IL7R: variants seen among roughly 807,000 people sequenced by gnomAD.
IL7R encodes the protein interleukin-7 receptor subunit alpha.
IL7R carries 38 observed loss-of-function variants against 47.0 expected under a neutral mutation model. That is an observed-to-expected ratio of 0.81 (90% CI 0.62 to 1.06). IL7R has a LOEUF of 1.06. IL7R is among the 50% of genes least tolerant of loss of function. IL7R has a pLI of 0.00. For synonymous variants in IL7R, 221 were observed against 199.8 expected (o/e 1.11, Z -0.89); for missense variants, 633 against 534.8 (o/e 1.18, Z -1.81).
chr5:35,875,873 T>G, intron 7 of IL7R, 110 bp from the exon 8 acceptor site: 2 of 1,210,916 alleles, frequency 1.7e-6, no homozygotes, highest in South Asian at 2.5e-5. Flanking sequence ...ATGCTGGCAA[T>G]TCTGTGACAT....
rs1760200356 is a variant in IL7R at position 35,876,088 on chromosome 5, T to C, written c.982T>C (p.Phe328Leu). The C allele has an allele frequency of 6.2e-7, 1 of 1,614,214 alleles. No individual in the cohort carries two copies. Among genetic ancestry groups the C allele is most frequent in the Middle Eastern group, 1.6e-4 (1 of 6,062 alleles). ...DEVEGFLQDT[F>L]PQQLEESEKQ... is the part of the protein sequence containing the mutation. ...AGTGGAAGGTTTTCTGCAAGATACGTTTCCTCAGCAACTAGAAGAATCTGA... is the reference window on the plus strand; with the variant it reads ...AGTGGAAGGTTTTCTGCAAGATACGCTTCCTCAGCAACTAGAAGAATCTGA... The change falls in exon 8 of 8, where the codon TTT (phenylalanine) becomes CTT (leucine). Residue 328 changes from phenylalanine to leucine, a missense_variant. Phe to Leu is a conservative substitution (Grantham distance 22). Transcript: ENST00000303115.
chr5:35,873,612 T>G lies in IL7R; in HGVS notation c.670T>G (p.Tyr224Asp). The G allele has an allele frequency of 1.2e-6, 2 of 1,614,042 alleles. No homozygotes were observed. The highest frequency in any genetic ancestry group is 1.7e-6 in the Non-Finnish European group (2 of 1,179,900). ...KGFWSEWSPS[Y>D]YFRTPEINNS... is the part of the protein sequence containing the mutation. Reference sequence around the variant, plus strand: ...CTTCTGGAGTGAATGGAGTCCAAGTTATTACTTCAGAACTCCAGAGATCAA... The same window carrying G: ...CTTCTGGAGTGAATGGAGTCCAAGTGATTACTTCAGAACTCCAGAGATCAA... Residue 224 changes from tyrosine to aspartate, a missense_variant, in exon 5 of 8, where the codon TAT becomes GAT. Transcript: ENST00000303115.
At chr5:35,865,122 A>G (rs1759908749) in intron 2 of IL7R, among the ~76,000 whole-genome samples, 1 of 151,930 alleles carries the variant, frequency 6.6e-6, no homozygotes, top group Non-Finnish European at 1.5e-5. Flanking sequence ...CCTTCCACCT[A>G]TGACTGGCCC....
intron 6 of IL7R, 143 bp downstream of exon 6, chr5:35,874,685 G>A (rs1760162181): frequency 2.7e-6 from 2 of 732,134 alleles, no homozygotes; most frequent in African/African-American, 3.5e-5. Context: ...TCTATCCTCA[G>A]CGAATTTCCA....
Position 35,876,439 on chromosome 5 carries a change from CAA to C in IL7R, c.1334_1335del (p.Gln445ArgfsTer26). On this transcript the variant is annotated frameshift_variant, in exon 8 of 8. Coordinates refer to ENST00000303115, the MANE Select transcript of IL7R (RefSeq NM_002185.5). LOFTEE classifies it high-confidence loss of function. ...QPILTSLGSNQEEAYVTMSSF... is the reference protein window; with the variant it reads ...QPILTSLGSNXEEAYVTMSSF... The stretch of plus-strand genomic sequence containing the variant: ...CATTCTTACTTCCCTGGGATCAAAT[CAA>C]GAAGAAGCATATGTCACCATGTCCA... 1 of 1,608,262 alleles carries C rather than the reference CAA, an allele frequency of 6.2e-7. No individual in the cohort carries two copies. The highest frequency in any genetic ancestry group is 8.5e-7 in the Non-Finnish European group (1 of 1,179,962).
chr5:35,862,616 A>T (rs991277937), intron 2 of IL7R, among the ~76,000 whole-genome samples: 2 of 152,058 alleles, frequency 1.3e-5, no homozygotes, highest in Non-Finnish European at 2.9e-5. Context: ...CAGAGCCCTT[A>T]AAAGGATGCC....
intron 3 of IL7R, among the ~76,000 whole-genome samples, chr5:35,869,382 A>T (rs1760015531): frequency 1.3e-5 from 2 of 152,186 alleles, no homozygotes; most frequent in Non-Finnish European, 2.9e-5. Context: ...CAAAGAAATC[A>T]TTTGAGCTTG....
At chr5:35,869,471 G>C (rs777896479) in intron 3 of IL7R, among the ~76,000 whole-genome samples, 4 of 152,176 alleles carry the variant, frequency 2.6e-5, no homozygotes, top group African/African-American at 9.7e-5. Context: ...AAATGAAGAA[G>C]AGTGAGCCTC....
chr5:35,875,653 C>T, intron 7 of IL7R, 66 bp downstream of exon 7: 1 of 1,203,782 alleles, frequency 8.3e-7, no homozygotes. Context: ...AATGATATTC[C>T]AGGACAAGGA....
chr5:35,860,455 G>A (rs1284038260), intron 1 of IL7R, among the ~76,000 whole-genome samples: 1 of 152,102 alleles, frequency 6.6e-6, no homozygotes, highest in Non-Finnish European at 1.5e-5. Flanking sequence ...TGGGGATAAT[G>A]GAAATAAAGT....
intron 2 of IL7R, 59 bp downstream of exon 2, chr5:35,861,049 T>A (rs1759797830): frequency 5.8e-6 from 9 of 1,538,646 alleles, no homozygotes; most frequent in Non-Finnish European, 8.1e-6. Context: ...TTTCATATGC[T>A]CTTTTTAATA....
intron 1 of IL7R, among the ~76,000 whole-genome samples, 173 bp downstream of exon 1, chr5:35,857,232 A>C (rs955348936): frequency 6.6e-6 from 1 of 152,080 alleles, no homozygotes; most frequent in African/African-American, 2.4e-5. Flanking sequence ...GGGGCAGGGG[A>C]TCAATACTAT....
chr5:35,872,546 A>G (rs756486169), intron 4 of IL7R, among the ~76,000 whole-genome samples: 4 of 151,446 alleles, frequency 2.6e-5, no homozygotes, highest in Non-Finnish European at 4.4e-5. Flanking sequence ...AGCCACCTTC[A>G]TATAACAACA....
chr5:35,861,395 T>C (rs992233720), intron 2 of IL7R, among the ~76,000 whole-genome samples: 3 of 152,152 alleles, frequency 2.0e-5, no homozygotes, highest in Admixed American at 2.0e-4. Context: ...CTTACTAGTT[T>C]TTTGACCTAG....
chr5:35,858,270 A>G (rs988876509), intron 1 of IL7R, among the ~76,000 whole-genome samples: 1 of 152,176 alleles, frequency 6.6e-6, no homozygotes, highest in Admixed American at 6.5e-5. Context: ...TACCCTATTC[A>G]CATGATTACG....
At chr5:35,869,685 G>A (rs1760022088) in intron 3 of IL7R, among the ~76,000 whole-genome samples, 1 of 152,114 alleles carries the variant, frequency 6.6e-6, no homozygotes, top group South Asian at 2.1e-4. Flanking sequence ...CACAGGGCAG[G>A]GGCTTCAGCT....
chr5:35,864,006 T>G (rs1360684069), intron 2 of IL7R, among the ~76,000 whole-genome samples: 1 of 152,168 alleles, frequency 6.6e-6, no homozygotes, highest in African/African-American at 2.4e-5. Context: ...GAACTTATTT[T>G]TCCCCTAGAA....
In IL7R at chr5:35,871,214, G is replaced by A. The variant is rs777878144; in HGVS notation, c.537+1G>A. 1 of 1,608,312 alleles carries A rather than the reference G, an allele frequency of 6.2e-7. No homozygotes were observed. Among genetic ancestry groups the A allele is most frequent in the South Asian group, 1.1e-5 (1 of 90,952 alleles). ...GGAAAAGGATGAAAACAAATGGACGGTATGTAGTTCAACTACATTAATAAA... is the reference window on the plus strand; with the variant it reads ...GGAAAAGGATGAAAACAAATGGACGATATGTAGTTCAACTACATTAATAAA... On this transcript the variant is annotated splice_donor_variant, in intron 4 of 7. Coordinates refer to ENST00000303115, the MANE Select transcript of IL7R (RefSeq NM_002185.5). LOFTEE classifies it high-confidence loss of function.
At chr5:35,870,244 T>C (rs1017436014) in intron 3 of IL7R, among the ~76,000 whole-genome samples, 1 of 152,046 alleles carries the variant, frequency 6.6e-6, no homozygotes, top group Non-Finnish European at 1.5e-5. Flanking sequence ...ATAATACCAA[T>C]CTCCCTCCAA....
Sources: gnomAD v4.1 joint callset for allele counts (sites outside exome capture counted in the v4.1 genomes callset) on GRCh38, gnomAD v4.1.1 for gene constraint, MANE v1.5 for transcripts, NCBI Gene and HGNC (gene_info 2026-07-23, HGNC 2026-07-21) for gene names.